CFAP299: variants seen among roughly 807,000 people sequenced by gnomAD.
CFAP299 encodes cilia and flagella associated protein 299, also known as cilia- and flagella-associated protein 299.
A neutral mutation model predicts 27.0 loss-of-function variants in CFAP299; 21 were observed. That is an observed-to-expected ratio of 0.78 (90% CI 0.55 to 1.12). The LOEUF is 1.12. Ranked by LOEUF, CFAP299 falls within the 50% of genes most tolerant of loss-of-function variation. CFAP299 has a pLI of 0.00. For synonymous variants in CFAP299, 104 were observed against 98.1 expected (o/e 1.06, Z -0.36); for missense variants, 310 against 276.6 (o/e 1.12, Z -0.86).
intron 3 of CFAP299, among the ~76,000 whole-genome samples, chr4:80,626,376 C>G (rs1333169878): frequency 6.6e-6 from 1 of 151,736 alleles, no homozygotes; most frequent in Non-Finnish European, 1.5e-5. Flanking sequence ...CCAGATACAG[C>G]AAAAGCAGTT....
chr4:80,583,838 TA>T (rs1371850348), intron 3 of CFAP299, among the ~76,000 whole-genome samples: 7 of 151,968 alleles, frequency 4.6e-5, no homozygotes, highest in Non-Finnish European at 1.0e-4. Flanking sequence ...ATATTCATGC[TA>T]AAACTGTAGT....
intron 4 of CFAP299, among the ~76,000 whole-genome samples, chr4:80,912,582 T>C (rs1449335346): frequency 6.6e-6 from 1 of 152,120 alleles, no homozygotes; most frequent in African/African-American, 2.4e-5. Context: ...AGAGCAGAGC[T>C]GCAGTCGGAC....
Position 80,583,088 on chromosome 4 carries a change from T to C in CFAP299, c.243-5T>C. On this transcript the variant is annotated splice_region_variant and splice_polypyrimidine_tract_variant and intron_variant, in intron 2 of 5. Coordinates refer to ENST00000358105, the MANE Select transcript of CFAP299 (RefSeq NM_152770.3). ...ATATTATAACTGAAGATCTGCCTTT[T>C]ACAGGACGCTAACAAGTGCTGGTAA... 2.5e-6 allele frequency: 4 copies of C among 1,591,160 alleles called. No individual in the cohort carries two copies. Among genetic ancestry groups the C allele is most frequent in the Non-Finnish European group, 2.6e-6 (3 of 1,165,252 alleles).
chr4:80,913,485 T>C (rs778576034), intron 4 of CFAP299, among the ~76,000 whole-genome samples: 3 of 152,176 alleles, frequency 2.0e-5, no homozygotes, highest in Non-Finnish European at 4.4e-5. Flanking sequence ...GACATAGGTT[T>C]CCCTCCATTA....
At chr4:80,781,078 C>T (rs2110090943) in intron 3 of CFAP299, among the ~76,000 whole-genome samples, 1 of 151,722 alleles carries the variant, frequency 6.6e-6, no homozygotes. Flanking sequence ...GTCAAGAGAC[C>T]CTAGTATATT....
chr4:80,832,210 G>C (rs1191992248), intron 3 of CFAP299, among the ~76,000 whole-genome samples: 1 of 152,108 alleles, frequency 6.6e-6, no homozygotes, highest in African/African-American at 2.4e-5. Context: ...AGCAGTACAG[G>C]ATACGCACTA....
intron 3 of CFAP299, among the ~76,000 whole-genome samples, chr4:80,791,145 C>T (rs999163327): frequency 1.3e-5 from 2 of 151,770 alleles, no homozygotes; most frequent in Non-Finnish European, 2.9e-5. Context: ...ATGCTCTGAT[C>T]GCAGATTTTA....
intron 3 of CFAP299, among the ~76,000 whole-genome samples, chr4:80,678,458 A>G (rs549954093): frequency 6.4e-4 from 97 of 152,216 alleles, no homozygotes; most frequent in South Asian, 1.2e-3. Flanking sequence ...ATGATGTTTT[A>G]TATAAATTAC....
intron 4 of CFAP299, among the ~76,000 whole-genome samples, chr4:80,884,674 A>G (rs1291248466): frequency 6.6e-6 from 1 of 150,858 alleles, no homozygotes; most frequent in Non-Finnish European, 1.5e-5. Flanking sequence ...AAAAATAGAA[A>G]AGAGCAACGA....
intron 4 of CFAP299, among the ~76,000 whole-genome samples, chr4:80,901,857 T>G: frequency 6.6e-6 from 1 of 152,070 alleles, no homozygotes; most frequent in East Asian, 1.9e-4. Flanking sequence ...TTTAGAACAG[T>G]TTTCATTTTT....
At chr4:80,483,363 A>G (rs1560587781) in intron 2 of CFAP299, among the ~76,000 whole-genome samples, 2 of 151,974 alleles carry the variant, frequency 1.3e-5, no homozygotes, top group African/African-American at 2.4e-5. Context: ...GAGAAAACTA[A>G]TAACACCAGA....
intron 3 of CFAP299, among the ~76,000 whole-genome samples, chr4:80,868,798 G>T (rs1362301527): frequency 6.6e-6 from 1 of 151,150 alleles, no homozygotes; most frequent in Non-Finnish European, 1.5e-5. Context: ...CTGCCATTCT[G>T]CTGGAGAAAT....
Position 80,479,463 on chromosome 4 carries a change from T to A in CFAP299, c.243-103630T>A, listed in dbSNP as rs114726668. ...ATGGTTAAAGACAATCAAACTGAAA[T>A]ATGCCAACATGCATACAAAAAGCAG... On this transcript the variant is annotated intron_variant, in intron 2 of 5. Transcript: ENST00000358105. Among the ~76,000 whole-genome samples the A allele has an allele frequency of 9.0e-3, 1,368 of 152,088 alleles. 23 individuals are homozygous for A. The highest frequency in any genetic ancestry group is 0.03 in the African/African-American group (1,262 of 41,556).
chr4:80,511,565 A>G (rs1246509024), intron 2 of CFAP299, among the ~76,000 whole-genome samples: 1 of 152,050 alleles, frequency 6.6e-6, no homozygotes, highest in Non-Finnish European at 1.5e-5. Flanking sequence ...ACACTTTAAT[A>G]TTTTTTGTAA....
At chr4:80,356,765 A>G (rs1330570346) in intron 1 of CFAP299, among the ~76,000 whole-genome samples, 2 of 152,224 alleles carry the variant, frequency 1.3e-5, no homozygotes, top group South Asian at 2.1e-4. Context: ...TAGATATAAG[A>G]TCATATAATC....
chr4:80,732,988 T>G (rs1176705779), intron 3 of CFAP299, among the ~76,000 whole-genome samples: 1 of 152,140 alleles, frequency 6.6e-6, no homozygotes, highest in Non-Finnish European at 1.5e-5. Flanking sequence ...TATTACTAAA[T>G]CAGTATAAAT....
chr4:80,686,042 G>C (rs990339876), intron 3 of CFAP299, among the ~76,000 whole-genome samples: 2 of 151,920 alleles, frequency 1.3e-5, no homozygotes, highest in Admixed American at 6.6e-5. Context: ...TGCTAAGAAC[G>C]ATTTTCACAG....
chr4:80,677,730 C>CT (rs1719559171), intron 3 of CFAP299, among the ~76,000 whole-genome samples: 1 of 151,984 alleles, frequency 6.6e-6, no homozygotes, highest in South Asian at 2.1e-4. Flanking sequence ...AATTTTCCCA[C>CT]TTTTTTCACT....
chr4:80,812,689 T>G (rs1729218727), intron 3 of CFAP299, among the ~76,000 whole-genome samples: 2 of 152,092 alleles, frequency 1.3e-5, no homozygotes, highest in African/African-American at 4.8e-5. Flanking sequence ...GGTTTCAAAC[T>G]GATAAAAACT....
Sources: gnomAD v4.1 joint callset for allele counts (sites outside exome capture counted in the v4.1 genomes callset) on GRCh38, gnomAD v4.1.1 for gene constraint, MANE v1.5 for transcripts, NCBI Gene and HGNC (gene_info 2026-07-23, HGNC 2026-07-21) for gene names.